The following BCL2L13 variants were observed in gnomAD, a reference collection of about 807,000 sequenced individuals.
BCL2L13 encodes the protein bcl-2-like protein 13.
In BCL2L13, 13 loss-of-function variants were observed where a neutral mutation model predicts 25.8. The ratio of observed to expected loss-of-function variants is 0.50; its 90% CI spans 0.33 to 0.80. The LOEUF (loss-of-function observed/expected upper bound fraction) is 0.80, where lower values mean the gene tolerates loss of function less well. BCL2L13 is among the 30% of genes least tolerant of loss of function. The pLI, the probability that BCL2L13 is intolerant of heterozygous loss-of-function variation, is 0.02. For missense variants in BCL2L13, 504 were observed against 574.9 expected (o/e 0.88, Z 1.26); for synonymous variants, 244 against 230.3 (o/e 1.06, Z -0.54).
intron 5 of BCL2L13, among the ~76,000 whole-genome samples, chr22:17,697,533 T>A (rs531640666): frequency 1.3e-5 from 2 of 152,310 alleles, no homozygotes; most frequent in South Asian, 4.1e-4. Context: ...GTTTTCTCAT[T>A]TGTGAAATGG....
Position 17,727,696 on chromosome 22 carries a change from G to C in BCL2L13, c.*162G>C. On this transcript the variant is annotated 3_prime_UTR_variant, in exon 7 of 7. Coordinates refer to ENST00000317582, the MANE Select transcript of BCL2L13 (RefSeq NM_015367.4). ...CATGTTAGGCATGTTAGGGCTTGAG[G>C]TGGGGCATTCACATTCATCTGACTG... 1.1e-6 allele frequency: 1 copy of C among 923,322 alleles called. No individual in the cohort carries two copies. The highest frequency in any genetic ancestry group is 1.7e-5 in the South Asian group (1 of 58,874). 57.2% of individuals were successfully genotyped at this position (923,322 alleles called of 1,614,324 possible). A position where few individuals can be genotyped will look rare whatever the true frequency, so the allele number is the denominator to read the frequency against.
At chr22:17,671,720 T>C (rs1430659209) in intron 2 of BCL2L13, among the ~76,000 whole-genome samples, 1 of 152,094 alleles carries the variant, frequency 6.6e-6, no homozygotes, top group Non-Finnish European at 1.5e-5. Flanking sequence ...ACATCTGTTT[T>C]CTTTTTCAGA....
At chr22:17,642,376 C>T (rs1466853729) in intron 1 of BCL2L13, among the ~76,000 whole-genome samples, 1 of 151,714 alleles carries the variant, frequency 6.6e-6, no homozygotes, top group Non-Finnish European at 1.5e-5. Context: ...CTAGGCTGGT[C>T]TCCAGCTCCT....
chr22:17,658,139 A>C (rs554664928), intron 2 of BCL2L13, among the ~76,000 whole-genome samples: 2 of 150,670 alleles, frequency 1.3e-5, no homozygotes, highest in South Asian at 4.1e-4. Flanking sequence ...TTATCGTCCA[A>C]TTCACCCTTT....
At chr22:17,712,852 T>C (rs1228258299) in intron 6 of BCL2L13, among the ~76,000 whole-genome samples, 3 of 152,216 alleles carry the variant, frequency 2.0e-5, no homozygotes, top group African/African-American at 4.8e-5. Flanking sequence ...TTCTTTGTTA[T>C]GGTGACTTAC....
intron 1 of BCL2L13, among the ~76,000 whole-genome samples, chr22:17,648,865 A>G (rs972748225): frequency 3.9e-5 from 6 of 152,198 alleles, no homozygotes; most frequent in Admixed American, 6.6e-5. Flanking sequence ...TGGGTTGGCA[A>G]ACGACTTCAG....
intron 6 of BCL2L13, among the ~76,000 whole-genome samples, chr22:17,708,183 T>G (rs2145740629): frequency 6.6e-6 from 1 of 152,084 alleles, no homozygotes; most frequent in African/African-American, 2.4e-5. Flanking sequence ...ATTGAAGAGT[T>G]TAATGCATGT....
chr22:17,646,600 A>G (rs2058480737), intron 1 of BCL2L13, among the ~76,000 whole-genome samples: 1 of 151,018 alleles, frequency 6.6e-6, no homozygotes, highest in Non-Finnish European at 1.5e-5. Flanking sequence ...TCACTTCTGG[A>G]TACCAAGAAC....
At chr22:17,663,115 C>A (rs2059125067) in intron 2 of BCL2L13, among the ~76,000 whole-genome samples, 1 of 152,168 alleles carries the variant, frequency 6.6e-6, no homozygotes, top group South Asian at 2.1e-4. Flanking sequence ...AAGTGATCTT[C>A]CTGCCTTGGC....
intron 1 of BCL2L13, among the ~76,000 whole-genome samples, chr22:17,641,305 C>G (rs1402813966): frequency 6.6e-6 from 1 of 152,146 alleles, no homozygotes; most frequent in Non-Finnish European, 1.5e-5. Context: ...TGATTTGTAT[C>G]TTATTCCAAA....
At chr22:17,696,800 C>G (rs1445978151) in intron 5 of BCL2L13, among the ~76,000 whole-genome samples, 1 of 152,100 alleles carries the variant, frequency 6.6e-6, no homozygotes, top group Non-Finnish European at 1.5e-5. Context: ...AGATCTGATT[C>G]TAGCGTCTGT....
At chr22:17,686,945 G>A (rs566264445) in intron 3 of BCL2L13, among the ~76,000 whole-genome samples, 4 of 152,184 alleles carry the variant, frequency 2.6e-5, no homozygotes, top group African/African-American at 7.2e-5. Flanking sequence ...TTTAAAATAC[G>A]TTCACTTATT....
intron 6 of BCL2L13, among the ~76,000 whole-genome samples, chr22:17,705,235 T>C (rs370778282): frequency 6.6e-6 from 1 of 151,618 alleles, no homozygotes; most frequent in African/African-American, 2.4e-5. Context: ...ATCGTGCCAT[T>C]GCACTCCAGC....
intron 3 of BCL2L13, among the ~76,000 whole-genome samples, chr22:17,686,864 A>G (rs1043805454): frequency 2.0e-5 from 3 of 152,178 alleles, no homozygotes; most frequent in Non-Finnish European, 2.9e-5. Context: ...CTCTTCATGT[A>G]TATTCTGGTA....
intron 1 of BCL2L13, among the ~76,000 whole-genome samples, chr22:17,651,492 C>T (rs2058686196): frequency 6.6e-6 from 1 of 151,442 alleles, no homozygotes; most frequent in South Asian, 2.1e-4. Flanking sequence ...ATTGATTTTC[C>T]TGCCTCCGCC....
At chr22:17,649,418 T>C (rs1185715859) in intron 1 of BCL2L13, among the ~76,000 whole-genome samples, 2 of 151,992 alleles carry the variant, frequency 1.3e-5, no homozygotes, top group Admixed American at 1.3e-4. Flanking sequence ...TTAAAGCATT[T>C]ATTCAAAATG....
chr22:17,705,360 C>CTA (rs2060561673), intron 6 of BCL2L13, among the ~76,000 whole-genome samples: 1 of 150,858 alleles, frequency 6.6e-6, no homozygotes, highest in Non-Finnish European at 1.5e-5. Flanking sequence ...TGCAGTGGCA[C>CTA]TATCTTGGCT....
intron 4 of BCL2L13, 52 bp downstream of exon 4, chr22:17,689,194 C>G (rs1487872796): frequency 3.2e-6 from 5 of 1,579,362 alleles, no homozygotes; most frequent in Middle Eastern, 1.7e-4. Context: ...CTCTGGATCT[C>G]TCATGCAGCA....
chr22:17,631,691 TA>T (rs1568903781), intron 1 of BCL2L13, among the ~76,000 whole-genome samples: 6 of 65,684 alleles, frequency 9.1e-5, no homozygotes, highest in Admixed American at 8.9e-4. Context: ...TATATATATA[TA>T]TATATATATA....
Sources: gnomAD v4.1 joint callset for allele counts (sites outside exome capture counted in the v4.1 genomes callset) on GRCh38, gnomAD v4.1.1 for gene constraint, MANE v1.5 for transcripts, NCBI Gene and HGNC (gene_info 2026-07-23, HGNC 2026-07-21) for gene names.